Variants in DLG2 observed in about 807,000 individuals in gnomAD.
DLG2 encodes disks large homolog 2.
A neutral mutation model predicts 132.5 loss-of-function variants in DLG2; 45 were observed. That is an observed-to-expected ratio of 0.34 (90% confidence interval 0.27 to 0.44). The LOEUF (loss-of-function observed/expected upper bound fraction) is 0.44, where lower values mean the gene tolerates loss of function less well. DLG2 is among the 20% of genes least tolerant of loss of function. DLG2 has a pLI of 1.00. For missense variants in DLG2, 1,045 were observed against 1,196.9 expected (o/e 0.87, Z 1.87); for synonymous variants, 424 against 419.6 (o/e 1.01, Z -0.13).
At chr11:83,856,796 G>T (rs970043728) in intron 16 of DLG2, among the ~76,000 whole-genome samples, 1 of 152,142 alleles carries the variant, frequency 6.6e-6, no homozygotes, top group African/African-American at 2.4e-5. Context: ...TCTGTTGATA[G>T]TTTCTTTTGC....
intron 6 of DLG2, among the ~76,000 whole-genome samples, chr11:84,983,926 T>A (rs2056127117): frequency 6.6e-6 from 1 of 152,120 alleles, no homozygotes; most frequent in South Asian, 2.1e-4. Context: ...GGTTTTTGAA[T>A]TAACCCAATC....
At chr11:85,342,131 T>C (rs117967196) in intron 3 of DLG2, among the ~76,000 whole-genome samples, 14 of 152,326 alleles carry the variant, frequency 9.2e-5, no homozygotes, top group Non-Finnish European at 1.8e-4. Context: ...AAAATACTTT[T>C]ATTTCTTCAA....
chr11:84,035,180 C>T (rs2095828476), intron 11 of DLG2, among the ~76,000 whole-genome samples: 1 of 152,224 alleles, frequency 6.6e-6, no homozygotes, highest in South Asian at 2.1e-4. Context: ...ACTCTCCCTA[C>T]CTCTGCCTTC....
intron 4 of DLG2, among the ~76,000 whole-genome samples, chr11:85,195,416 G>A (rs1324312176): frequency 1.3e-5 from 2 of 152,036 alleles, no homozygotes; most frequent in African/African-American, 4.8e-5. Flanking sequence ...AAAGGTCTGA[G>A]GAGAAGAAAA....
chr11:85,320,633 G>A (rs908547632), intron 3 of DLG2, among the ~76,000 whole-genome samples: 5 of 151,944 alleles, frequency 3.3e-5, no homozygotes, highest in Non-Finnish European at 7.4e-5. Flanking sequence ...GATGAACAGT[G>A]AGAAAGATTA....
intron 6 of DLG2, among the ~76,000 whole-genome samples, chr11:84,870,244 C>T (rs2085269944): frequency 6.6e-6 from 1 of 152,028 alleles, no homozygotes; most frequent in African/African-American, 2.4e-5. Context: ...GTGTATCCAG[C>T]CCCGGGAAGA....
chr11:83,482,672 GA>G (rs1036249310), intron 22 of DLG2, among the ~76,000 whole-genome samples: 2 of 150,706 alleles, frequency 1.3e-5, no homozygotes, highest in African/African-American at 4.9e-5. Flanking sequence ...CCGCAAGTCA[GA>G]AAAAAAAATC....
At chr11:85,302,678 T>G (rs1402072163) in intron 3 of DLG2, among the ~76,000 whole-genome samples, 1 of 150,372 alleles carries the variant, frequency 6.7e-6, no homozygotes, top group African/African-American at 2.4e-5. Flanking sequence ...GTCAGTTAGT[T>G]GATAATTTCA....
intron 6 of DLG2, among the ~76,000 whole-genome samples, chr11:84,714,547 CTT>C (rs1491556932): frequency 0.3 from 38,575 of 129,898 alleles, 7,710 homozygotes; most frequent in African/African-American, 0.6. Context: ...TTCTCTTTCT[CTT>C]TCTCTCTCTT....
At chr11:84,429,727 T>A (rs1200817775) in intron 7 of DLG2, among the ~76,000 whole-genome samples, 1 of 152,332 alleles carries the variant, frequency 6.6e-6, no homozygotes, top group African/African-American at 2.4e-5. Flanking sequence ...ATTATCAAAT[T>A]TATCTTTACA....
chr11:83,632,184 C>T (rs1335704542), intron 19 of DLG2: 1 of 152,150 alleles, frequency 6.6e-6, no homozygotes, highest in Non-Finnish European at 1.5e-5. Context: ...CCTTCTTAGC[C>T]CTGCTGTGAA....
chr11:85,005,362 T>C (rs1173977880), intron 6 of DLG2, among the ~76,000 whole-genome samples: 1 of 152,224 alleles, frequency 6.6e-6, no homozygotes, highest in East Asian at 1.9e-4. Context: ...TCCATGAGCA[T>C]GGAATGTGTT....
At chr11:83,577,782 A>G (rs1338940930) in intron 19 of DLG2, among the ~76,000 whole-genome samples, 22 of 127,096 alleles carry the variant, frequency 1.7e-4, no homozygotes, top group African/African-American at 6.6e-4. Context: ...TATTAAATAT[A>G]TTATATTTTA....
chr11:85,366,616 C>T (rs1465377153), intron 3 of DLG2, among the ~76,000 whole-genome samples: 1 of 152,046 alleles, frequency 6.6e-6, no homozygotes, highest in Non-Finnish European at 1.5e-5. Flanking sequence ...CTAAATAATA[C>T]TGAAATTAAC....
rs1454381662 is a variant in DLG2, at chr11:83,612,568, A to T, written c.1940+20643T>A. ...TGAGAAACATACTCCTCACAGTAGC[A>T]TGCCTCTCCTTTAATAAACTCACCA... On this transcript the variant is annotated intron_variant, in intron 19 of 27. Transcript: ENST00000376104. Among the ~76,000 whole-genome samples, 7 of 152,178 alleles carry T rather than the reference A, an allele frequency of 4.6e-5. No homozygotes were observed. The South Asian group carries it at 8.3e-4, about 18-fold the overall frequency.
rs1272453073 is a variant in DLG2, at chr11:83,536,930, A to T, written c.2118-4147T>A. Among the ~76,000 whole-genome samples the T allele has an allele frequency of 2.0e-5, 3 of 152,166 alleles. No individual in the cohort carries two copies. The East Asian group carries it at 5.8e-4, about 29-fold the overall frequency. On this transcript the variant is annotated intron_variant, in intron 20 of 27. Transcript: ENST00000376104. ...TAGCATCACTTTTTCTTATTGTTTT[A>T]CTGAGTAAGACTTCTTTGGCTAGTA...
chr11:84,396,798 C>G (rs113498125), intron 7 of DLG2, among the ~76,000 whole-genome samples: 78 of 152,290 alleles, frequency 5.1e-4, no homozygotes, highest in African/African-American at 1.9e-3. Context: ...CTCACCCCCA[C>G]AAAATGGAAA....
intron 8 of DLG2, among the ~76,000 whole-genome samples, chr11:84,179,156 A>T (rs974477146): frequency 1.3e-5 from 2 of 152,184 alleles, no homozygotes; most frequent in African/African-American, 4.8e-5. Flanking sequence ...TTAACAGAGA[A>T]ATAGAAATTA....
At chr11:84,674,335 T>C (rs563018418) in intron 6 of DLG2, among the ~76,000 whole-genome samples, 1 of 152,198 alleles carries the variant, frequency 6.6e-6, no homozygotes, top group Non-Finnish European at 1.5e-5. Context: ...ACTTTTTACT[T>C]CCTTGAGTAG....
Sources: gnomAD v4.1 joint callset for allele counts (sites outside exome capture counted in the v4.1 genomes callset) on GRCh38, gnomAD v4.1.1 for gene constraint, MANE v1.5 for transcripts, NCBI Gene and HGNC (gene_info 2026-07-23, HGNC 2026-07-21) for gene names.